Variants in MAF observed in about 807,000 individuals in gnomAD.
MAF encodes MAF bZIP transcription factor.
A neutral mutation model predicts 22.0 loss-of-function variants in MAF; 10 were observed. The observed-to-expected ratio is 0.45, with a 90% CI of 0.28 to 0.77. The LOEUF (loss-of-function observed/expected upper bound fraction) is 0.77, where lower values mean the gene tolerates loss of function less well. MAF is among the 30% of genes least tolerant of loss of function. The pLI is 0.12. For synonymous variants in MAF, 337 were observed against 255.8 expected, an observed-to-expected ratio of 1.32 and a Z score of -3.03; for missense variants, 544 against 548.4, an observed-to-expected ratio of 0.99 and a Z score of 0.08.
At chr16:79,280,984 A>G in the MAF span, among the ~76,000 whole-genome samples, 1 of 152,202 alleles carries the variant, frequency 6.6e-6, no homozygotes, top group African/African-American at 2.4e-5. Flanking sequence ...CTCCCAGATC[A>G]GAATGGGAGG....
chr16:79,466,880 A>G, the MAF span, among the ~76,000 whole-genome samples: 5 of 152,186 alleles, frequency 3.3e-5, no homozygotes. Flanking sequence ...CCATATGGAC[A>G]CGGATCTGTG....
chr16:79,598,103 T>G (rs1394078899), intron 1 of MAF: 11 of 1,043,828 alleles, frequency 1.1e-5, no homozygotes, highest in East Asian at 5.6e-5. Flanking sequence ...CATTTCACAT[T>G]TTTTTTTCCT....
the MAF span, among the ~76,000 whole-genome samples, chr16:79,447,877 G>A: frequency 2.5e-5 from 2 of 79,974 alleles, no homozygotes; most frequent in African/African-American, 1.3e-4. Context: ...ACGAGACAGA[G>A]CGAGATTCCA....
chr16:79,483,394 G>GAAAGA, the MAF span, among the ~76,000 whole-genome samples: 1 of 150,098 alleles, frequency 6.7e-6, no homozygotes, highest in East Asian at 2.0e-4. Flanking sequence ...CAAAGGAAAG[G>GAAAGA]AAAGAAAACA....
chr16:79,599,334 C>CCGGCGGCGTGGTGGTGGTGGT lies in MAF; in HGVS notation c.548_568dup (p.Ala189_Gly190insAspHisHisHisHisAlaAla), dbSNP rs1356381203. The stretch of plus-strand genomic sequence containing the variant: ...GCCGGCCGTCGGGTGGTGGTGGTGG[C>CCGGCGGCGTGGTGGTGGTGGT]CGGCGGCGTGGTGGTGGTGGTGGTG... On this transcript the variant is annotated inframe_insertion, in exon 1 of 2. Transcript: ENST00000326043. The CCGGCGGCGTGGTGGTGGTGGT allele has an allele frequency of 1.0e-6, 1 of 988,234 alleles. No individual in the cohort carries two copies. The highest frequency in any genetic ancestry group is 1.2e-6 in the Non-Finnish European group (1 of 833,554). 61.2% of individuals were successfully genotyped at this position (988,234 alleles called of 1,614,324 possible).
chr16:79,418,231 CT>C, the MAF span, among the ~76,000 whole-genome samples: 2 of 152,042 alleles, frequency 1.3e-5, no homozygotes, highest in Non-Finnish European at 2.9e-5. Context: ...TTTAATTTAG[CT>C]GATAGATATG....
the MAF span, among the ~76,000 whole-genome samples, chr16:79,385,265 A>G: frequency 2.0e-5 from 3 of 152,244 alleles, no homozygotes; most frequent in East Asian, 5.8e-4. Context: ...GCCAATATGT[A>G]TGAATCAATT....
chr16:79,502,015 T>C, the MAF span, among the ~76,000 whole-genome samples: 1 of 152,202 alleles, frequency 6.6e-6, no homozygotes, highest in African/African-American at 2.4e-5. Context: ...ACCATTTATT[T>C]AAGGGTATCA....
At chr16:79,586,379 G>A (rs1272660499) in intron 1 of MAF, among the ~76,000 whole-genome samples, 1 of 151,884 alleles carries the variant, frequency 6.6e-6, no homozygotes. Flanking sequence ...GCTTCTGCCG[G>A]TGTGTGCTAG....
At chr16:79,207,280 A>G in the MAF span, among the ~76,000 whole-genome samples, 25 of 152,366 alleles carry the variant, frequency 1.6e-4, no homozygotes, top group East Asian at 3.5e-3. Flanking sequence ...GCTTTGTCCA[A>G]CAGACACCAG....
chr16:79,387,241 C>T, the MAF span, among the ~76,000 whole-genome samples: 1 of 152,222 alleles, frequency 6.6e-6, no homozygotes, highest in East Asian at 1.9e-4. Context: ...TGCTGCTAAG[C>T]ATTTGCATTT....
the MAF span, among the ~76,000 whole-genome samples, chr16:79,540,803 C>G: frequency 6.6e-6 from 1 of 152,292 alleles, no homozygotes; most frequent in South Asian, 2.1e-4. Flanking sequence ...AAACAGCTAT[C>G]TTAGGGTTAT....
At chr16:79,342,339 G>A in the MAF span, among the ~76,000 whole-genome samples, 5 of 152,344 alleles carry the variant, frequency 3.3e-5, no homozygotes, top group South Asian at 1.0e-3. Context: ...ATCCAGGTGT[G>A]TCTTCACAGT....
the MAF span, among the ~76,000 whole-genome samples, chr16:79,366,706 T>C: frequency 1.3e-5 from 2 of 152,186 alleles, no homozygotes; most frequent in Non-Finnish European, 1.5e-5. Context: ...AACCTCCCTA[T>C]GGGGGTTCTC....
At chr16:79,263,892 G>A in the MAF span, among the ~76,000 whole-genome samples, 2 of 152,128 alleles carry the variant, frequency 1.3e-5, no homozygotes, top group African/African-American at 2.4e-5. Context: ...ATTTCTAGGT[G>A]GTCCCACATC....
chr16:79,599,962 C>G lies in MAF; in HGVS notation c.-60G>C. On this transcript the variant is annotated 5_prime_UTR_variant, in exon 1 of 2. Transcript: ENST00000326043. Reference sequence around the variant, plus strand: ...CGCCAGATGGGCTGCAGGAGAGGGGCCAGCGGGCTGTGCTGGGTGGCCAGC... The same window carrying G: ...CGCCAGATGGGCTGCAGGAGAGGGGGCAGCGGGCTGTGCTGGGTGGCCAGC... 1 of 1,595,068 alleles carries G rather than the reference C, an allele frequency of 6.3e-7. No individual in the cohort carries two copies. Among genetic ancestry groups the G allele is most frequent in the Non-Finnish European group, 8.5e-7 (1 of 1,177,970 alleles).
chr16:79,210,170 T>C, the MAF span, among the ~76,000 whole-genome samples: 1 of 152,196 alleles, frequency 6.6e-6, no homozygotes, highest in African/African-American at 2.4e-5. Context: ...TTGACTGCAT[T>C]TGACCATTCA....
the MAF span, among the ~76,000 whole-genome samples, chr16:79,448,426 G>C: frequency 7.2e-6 from 1 of 139,462 alleles, no homozygotes; most frequent in Admixed American, 7.1e-5. Context: ...TGTTTTATTT[G>C]TTTTTGTTTT....
At chr16:79,409,726 G>A in the MAF span, among the ~76,000 whole-genome samples, 2 of 152,200 alleles carry the variant, frequency 1.3e-5, no homozygotes, top group African/African-American at 2.4e-5. Context: ...GGAAGAGGGT[G>A]TGAACAGAGA....
Sources: gnomAD v4.1 joint callset for allele counts (sites outside exome capture counted in the v4.1 genomes callset) on GRCh38, gnomAD v4.1.1 for gene constraint, MANE v1.5 for transcripts, NCBI Gene and HGNC (gene_info 2026-07-23, HGNC 2026-07-21) for gene names.